Variants in IL19 observed in about 807,000 individuals in gnomAD.
The protein encoded by IL19 is interleukin 19, also known as interleukin-19.
Under a neutral mutation model 19.5 loss-of-function variants are expected in IL19, and 15 were observed. The observed-to-expected ratio is 0.77, with a 90% CI of 0.52 to 1.19. The LOEUF (loss-of-function observed/expected upper bound fraction) is 1.19. Among genes scored for constraint, IL19 ranks in the 50% most tolerant of loss-of-function variants. The probability of loss-of-function intolerance (pLI) is 0.00; values close to 1 mark genes in which losing one functional copy is unlikely to be tolerated. For synonymous variants in IL19, 78 were observed against 78.3 expected (o/e 1.00, Z 0.02); for missense variants, 199 against 213.1 (o/e 0.93, Z 0.41).
intron 2 of IL19, among the ~76,000 whole-genome samples, chr1:206,822,817 G>T (rs529496857): frequency 6.6e-6 from 1 of 152,274 alleles, no homozygotes; most frequent in East Asian, 1.9e-4. Context: ...CTGGCTTGTT[G>T]TAGGGTCCCA....
chr1:206,820,964 T>G (rs901327928), intron 2 of IL19, among the ~76,000 whole-genome samples: 1 of 152,204 alleles, frequency 6.6e-6, no homozygotes, highest in African/African-American at 2.4e-5. Flanking sequence ...CTAGGAGCCT[T>G]CCCTGATATC....
chr1:206,793,921 G>A (rs1297038136), intron 1 of IL19, among the ~76,000 whole-genome samples: 3 of 152,130 alleles, frequency 2.0e-5, no homozygotes, highest in Non-Finnish European at 4.4e-5. Context: ...AGGAGAGTGG[G>A]GACAGGGAGG....
At chr1:206,783,010 C>A (rs1039060475) in intron 1 of IL19, among the ~76,000 whole-genome samples, 6 of 152,182 alleles carry the variant, frequency 3.9e-5, no homozygotes, top group African/African-American at 1.4e-4. Context: ...AAATCAATAT[C>A]ATTGGCTTGC....
At chr1:206,809,191 G>A (rs1020086077) in intron 2 of IL19, among the ~76,000 whole-genome samples, 16 of 152,128 alleles carry the variant, frequency 1.1e-4, no homozygotes, top group African/African-American at 3.9e-4. Context: ...ACCTGGGCTG[G>A]AATACCTGTC....
At chr1:206,802,698 A>C (rs1374715015) in intron 2 of IL19, among the ~76,000 whole-genome samples, 2 of 151,854 alleles carry the variant, frequency 1.3e-5, no homozygotes, top group African/African-American at 4.8e-5. Flanking sequence ...GCCATGGGCA[A>C]GTTCCAAGCC....
chr1:206,777,104 G>T (rs1675025478), intron 1 of IL19, among the ~76,000 whole-genome samples: 1 of 151,668 alleles, frequency 6.6e-6, no homozygotes, highest in Non-Finnish European at 1.5e-5. Context: ...GGTGGCAGGT[G>T]CCTGTAGTCC....
At chr1:206,794,732 A>G (rs1271476916) in intron 1 of IL19, among the ~76,000 whole-genome samples, 1 of 152,064 alleles carries the variant, frequency 6.6e-6, no homozygotes, top group Non-Finnish European at 1.5e-5. Context: ...AAGTTACCCA[A>G]AGTAATGGGG....
In IL19 at chr1:206,811,543, T is replaced by C. The variant is rs567931662; in HGVS notation, c.-3+12537T>C. ...AGTTCCAGACTTAGAATCTCTTGAT[T>C]GAAGGTGGACAAATGACGCATCCTG... is the stretch of plus-strand genomic sequence containing the variant. On this transcript the variant is annotated intron_variant, in intron 2 of 6. Transcript: ENST00000659997. Among the ~76,000 whole-genome samples, 20 of 152,212 alleles carry C rather than the reference T, an allele frequency of 1.3e-4. 1 individual carries two copies. The South Asian group carries it at 4.1e-3, about 32-fold the overall frequency.
intron 1 of IL19, among the ~76,000 whole-genome samples, chr1:206,796,997 G>A (rs1458744907): frequency 3.3e-5 from 5 of 152,154 alleles, no homozygotes; most frequent in African/African-American, 9.7e-5. Flanking sequence ...CTCGAAAACC[G>A]GATCACAAAG....
intron 2 of IL19, chr1:206,833,981 G>A (rs1676697625): frequency 1.0e-6 from 1 of 985,480 alleles, no homozygotes; most frequent in African/African-American, 1.7e-5. Flanking sequence ...GCTGCAGGGT[G>A]TGGCTGATTG....
chr1:206,822,991 G>C (rs1676326756), intron 2 of IL19, among the ~76,000 whole-genome samples: 1 of 151,910 alleles, frequency 6.6e-6, no homozygotes, highest in Non-Finnish European at 1.5e-5. Flanking sequence ...GTATAGTGGT[G>C]TGATCTCGGC....
chr1:206,775,403 C>T (rs1674968169), intron 1 of IL19, among the ~76,000 whole-genome samples: 1 of 152,110 alleles, frequency 6.6e-6, no homozygotes, highest in Non-Finnish European at 1.5e-5. Flanking sequence ...TATCTCAAGC[C>T]ATTTGCTGAA....
At chr1:206,798,115 C>A (rs951212893) in intron 1 of IL19, among the ~76,000 whole-genome samples, 1 of 152,216 alleles carries the variant, frequency 6.6e-6, no homozygotes, top group Non-Finnish European at 1.5e-5. Context: ...TGACATTCCC[C>A]AGACCTCTTG....
chr1:206,783,165 T>C (rs1403090890), intron 1 of IL19, among the ~76,000 whole-genome samples: 1 of 152,042 alleles, frequency 6.6e-6, no homozygotes, highest in Non-Finnish European at 1.5e-5. Flanking sequence ...TAAAGCTCAA[T>C]CCCTGGTTGC....
chr1:206,776,150 A>C (rs914485860), intron 1 of IL19, among the ~76,000 whole-genome samples: 1 of 152,226 alleles, frequency 6.6e-6, no homozygotes, highest in African/African-American at 2.4e-5. Flanking sequence ...AAACCTGAGT[A>C]AGCATGGCTT....
At chr1:206,788,886 C>G (rs1675324766) in intron 1 of IL19, among the ~76,000 whole-genome samples, 1 of 152,226 alleles carries the variant, frequency 6.6e-6, no homozygotes, top group Admixed American at 6.5e-5. Context: ...TTTCTTCATT[C>G]CTTTTTGCTA....
At chr1:206,805,312 T>C (rs1675821694) in intron 2 of IL19, among the ~76,000 whole-genome samples, 1 of 152,182 alleles carries the variant, frequency 6.6e-6, no homozygotes, top group Admixed American at 6.5e-5. Flanking sequence ...ATATACCAGG[T>C]GGTAGAGGCT....
chr1:206,806,918 G>T (rs935358899), intron 2 of IL19, among the ~76,000 whole-genome samples: 5 of 152,036 alleles, frequency 3.3e-5, no homozygotes, highest in Admixed American at 3.3e-4. Flanking sequence ...GCTTCTTATG[G>T]GTATTAGTTC....
chr1:206,779,864 T>A (rs536911310), intron 1 of IL19, among the ~76,000 whole-genome samples: 4 of 152,160 alleles, frequency 2.6e-5, no homozygotes, highest in Non-Finnish European at 5.9e-5. Context: ...CTCTTTTTTT[T>A]TTTTTAAAGA....
Sources: allele counts gnomAD v4.1 joint callset (sites outside exome capture counted in the v4.1 genomes callset), GRCh38; gene constraint gnomAD v4.1.1; transcripts MANE v1.5; gene names NCBI Gene and HGNC (gene_info 2026-07-23, HGNC 2026-07-21).